The following NCK1 variants were observed in gnomAD, a reference collection of about 807,000 sequenced individuals.
NCK1 encodes NCK adaptor protein 1.
NCK1 carries 19 observed loss-of-function variants against 36.6 expected under a neutral mutation model. The observed-to-expected ratio is 0.52, with a 90% CI of 0.36 to 0.76. The LOEUF is 0.76. Among genes scored for constraint, NCK1 ranks in the 30% least tolerant of loss-of-function variants. The pLI is 0.00. For synonymous variants in NCK1, 165 were observed against 156.0 expected (o/e 1.06, Z -0.43); for missense variants, 358 against 445.6 (o/e 0.80, Z 1.77).
intron 2 of NCK1, among the ~76,000 whole-genome samples, chr3:136,935,943 T>C (rs972989359): frequency 2.6e-5 from 4 of 152,196 alleles, no homozygotes; most frequent in African/African-American, 9.7e-5. Context: ...GTATGTGACC[T>C]TTTGTGTCTG....
intron 1 of NCK1, among the ~76,000 whole-genome samples, chr3:136,863,395 A>G (rs1938305607): frequency 6.6e-6 from 1 of 152,254 alleles, no homozygotes; most frequent in African/African-American, 2.4e-5. Context: ...GAGGTCACAC[A>G]GTAAACGGAG....
At chr3:136,881,780 A>G (rs1218494860) in intron 1 of NCK1, among the ~76,000 whole-genome samples, 1 of 152,172 alleles carries the variant, frequency 6.6e-6, no homozygotes, top group African/African-American at 2.4e-5. Flanking sequence ...AAATGGAATC[A>G]TATTGTCTTT....
chr3:136,874,771 G>T (rs529636617), intron 1 of NCK1, among the ~76,000 whole-genome samples: 1 of 150,698 alleles, frequency 6.6e-6, no homozygotes, highest in South Asian at 2.1e-4. Context: ...TCATACAATA[G>T]ATTCCTGTGG....
chr3:136,879,061 G>A (rs1318732138), intron 1 of NCK1, among the ~76,000 whole-genome samples: 1 of 151,892 alleles, frequency 6.6e-6, no homozygotes, highest in Non-Finnish European at 1.5e-5. Context: ...CACCAGACAT[G>A]TGAAGAAAGC....
At chr3:136,905,444 C>T (rs1210723521) in intron 1 of NCK1, among the ~76,000 whole-genome samples, 1 of 149,714 alleles carries the variant, frequency 6.7e-6, no homozygotes, top group East Asian at 1.9e-4. Context: ...TTTTTTGAGA[C>T]AGAGATGGGG....
At chr3:136,936,101 C>T (rs944066419) in intron 2 of NCK1, among the ~76,000 whole-genome samples, 2 of 148,748 alleles carry the variant, frequency 1.3e-5, no homozygotes, top group African/African-American at 5.0e-5. Context: ...AGTGCAGTGA[C>T]GTGATCTCAG....
intron 2 of NCK1, among the ~76,000 whole-genome samples, chr3:136,939,612 C>G (rs1228341759): frequency 6.6e-6 from 1 of 151,846 alleles, no homozygotes; most frequent in Non-Finnish European, 1.5e-5. Flanking sequence ...TGAGCATTGC[C>G]TTTGCTGCCT....
At chr3:136,917,044 A>T (rs1407171903) in intron 1 of NCK1, among the ~76,000 whole-genome samples, 1 of 152,220 alleles carries the variant, frequency 6.6e-6, no homozygotes, top group Non-Finnish European at 1.5e-5. Context: ...GTACATTTGT[A>T]ATTTATCAAA....
rs540816908 is a variant in NCK1, at chr3:136,874,775, C to T, written c.-19+12422C>T. Among the ~76,000 whole-genome samples the T allele has an allele frequency of 2.7e-5, 4 of 149,538 alleles. No homozygotes were observed. The East Asian group carries it at 8.0e-4, about 30-fold the overall frequency. On this transcript the variant is annotated intron_variant, in intron 1 of 3. Coordinates refer to ENST00000481752, the MANE Select transcript of NCK1 (RefSeq NM_001291999.2). ...GATGGAGTATATCATACAATAGATT[C>T]CTGTGGAAGACTGAAATCTTGCATT...
chr3:136,905,123 C>A (rs1939650586), intron 1 of NCK1, among the ~76,000 whole-genome samples: 1 of 150,786 alleles, frequency 6.6e-6, no homozygotes, highest in African/African-American at 2.4e-5. Flanking sequence ...AGTGATTCTT[C>A]TGCCTCAGCC....
At chr3:136,881,886 A>G (rs1938951567) in intron 1 of NCK1, among the ~76,000 whole-genome samples, 2 of 152,194 alleles carry the variant, frequency 1.3e-5, no homozygotes, top group South Asian at 4.1e-4. Context: ...ATAATATTCC[A>G]TTGCTTATAT....
chr3:136,882,143 C>T (rs1048787414), intron 1 of NCK1, among the ~76,000 whole-genome samples: 5 of 152,156 alleles, frequency 3.3e-5, no homozygotes, highest in East Asian at 1.9e-4. Flanking sequence ...TACCACCAAC[C>T]GTGCATAAGA....
In NCK1 at chr3:136,950,468, T is replaced by C. The variant is rs185835242; in HGVS notation, c.*2015T>C. Among the ~76,000 whole-genome samples the C allele has an allele frequency of 4.8e-4, 73 of 152,266 alleles. 1 individual carries two copies. The East Asian group carries it at 9.2e-3, about 19-fold the overall frequency. ...AGATAACCCATGTGTGCTAGTAATA[T>C]CTATTGTGTGCTCTTACTATGGTAT... On this transcript the variant is annotated 3_prime_UTR_variant, in exon 4 of 4. Coordinates refer to ENST00000481752, the MANE Select transcript of NCK1 (RefSeq NM_001291999.2).
chr3:136,915,309 G>A (rs1033327948), intron 1 of NCK1, among the ~76,000 whole-genome samples: 1 of 152,190 alleles, frequency 6.6e-6, no homozygotes, highest in African/African-American at 2.4e-5. Context: ...TGACGTAGTA[G>A]CATTAATTAA....
chr3:136,875,449 T>G, intron 1 of NCK1, among the ~76,000 whole-genome samples: 1 of 152,176 alleles, frequency 6.6e-6, no homozygotes, highest in East Asian at 1.9e-4. Flanking sequence ...CATCCCTGTC[T>G]TGTGCCAGTT....
rs1940810046 is a variant in NCK1 at position 136,946,021 on chromosome 3, A to C, written c.665A>C (p.Lys222Thr). 1 of 1,613,902 alleles carries C rather than the reference A, an allele frequency of 6.2e-7. No individual in the cohort carries two copies. Among genetic ancestry groups the C allele is most frequent in the African/African-American group, 1.3e-5 (1 of 74,872 alleles). ...GGAGATGTAATGGATGTTATTGAAA[A>C]ACCTGAAAATGACCCAGAGTGGTGG... is the stretch of plus-strand genomic sequence containing the variant. The part of the protein sequence containing the change: ...EKGDVMDVIE[K>T]PENDPEWWKC... The change falls in exon 3 of 4, where the codon AAA (lysine) becomes ACA (threonine). Residue 222 changes from lysine to threonine, a missense_variant. This residue lies in a region of NCK1 where 207 missense variants were observed against 253.4 expected (regional missense o/e 0.82). Transcript: ENST00000481752.
At chr3:136,888,767 A>G (rs1313418517) in intron 1 of NCK1, among the ~76,000 whole-genome samples, 1 of 152,090 alleles carries the variant, frequency 6.6e-6, no homozygotes, top group East Asian at 1.9e-4. Context: ...TTCTGTCTCT[A>G]TACATTTGCT....
chr3:136,933,373 G>A (rs1437874842), intron 2 of NCK1, among the ~76,000 whole-genome samples: 1 of 152,206 alleles, frequency 6.6e-6, no homozygotes. Flanking sequence ...ATAAGGAATA[G>A]TTATGGGTAC....
chr3:136,877,867 A>G (rs1938817685), intron 1 of NCK1, among the ~76,000 whole-genome samples: 1 of 152,112 alleles, frequency 6.6e-6, no homozygotes, highest in African/African-American at 2.4e-5. Flanking sequence ...TTTCTTGAAA[A>G]TCTGTTTAAG....
Sources: allele counts gnomAD v4.1 joint callset (sites outside exome capture counted in the v4.1 genomes callset), GRCh38; gene constraint gnomAD v4.1.1; regional missense constraint gnomAD v4.1.1; transcripts MANE v1.5; gene names NCBI Gene and HGNC (gene_info 2026-07-23, HGNC 2026-07-21).